GALK2: variants seen among roughly 807,000 people sequenced by gnomAD.
The protein encoded by GALK2 is galactokinase 2, also known as N-acetylgalactosamine kinase.
GALK2 carries 36 observed loss-of-function variants against 52.4 expected under a neutral mutation model. The observed-to-expected ratio is 0.69, with a 90% CI of 0.53 to 0.91. The LOEUF (loss-of-function observed/expected upper bound fraction) is 0.91. Ranked by LOEUF, GALK2 falls within the 40% of genes least tolerant of loss-of-function variation. The probability of loss-of-function intolerance (pLI) is 0.00; values close to 1 mark genes in which losing one functional copy is unlikely to be tolerated. For synonymous variants in GALK2, 176 were observed against 199.1 expected, an observed-to-expected ratio of 0.88 and a Z score of 0.98; for missense variants, 579 against 559.1, an observed-to-expected ratio of 1.04 and a Z score of -0.36.
chr15:49,220,835 A>G (rs1424942293), intron 3 of GALK2, among the ~76,000 whole-genome samples: 2 of 152,116 alleles, frequency 1.3e-5, no homozygotes, highest in African/African-American at 4.8e-5. Context: ...ATGATTAGTG[A>G]TGGTAAGCAG....
intron 5 of GALK2, among the ~76,000 whole-genome samples, chr15:49,245,437 G>T (rs1005765494): frequency 1.3e-5 from 2 of 151,980 alleles, no homozygotes; most frequent in Non-Finnish European, 2.9e-5. Context: ...AAAGATAGAA[G>T]AACTGAATAG....
intron 3 of GALK2, among the ~76,000 whole-genome samples, chr15:49,226,405 T>A (rs764980100): frequency 1.3e-5 from 2 of 152,162 alleles, no homozygotes; most frequent in Non-Finnish European, 2.9e-5. Flanking sequence ...CAGTGTTGCT[T>A]CTCTATCTAC....
chr15:49,238,492 G>A (rs1251888120), intron 4 of GALK2, among the ~76,000 whole-genome samples: 2 of 152,170 alleles, frequency 1.3e-5, no homozygotes, highest in Non-Finnish European at 2.9e-5. Flanking sequence ...TCTATAAACT[G>A]TAGTAAGCAT....
chr15:49,181,385 A>G (rs992953539), intron 1 of GALK2, among the ~76,000 whole-genome samples: 7 of 151,810 alleles, frequency 4.6e-5, no homozygotes, highest in Non-Finnish European at 8.8e-5. Context: ...GATTACATAC[A>G]TGAGCCACTG....
At chr15:49,230,841 A>G (rs1192600572) in intron 3 of GALK2, among the ~76,000 whole-genome samples, 1 of 152,236 alleles carries the variant, frequency 6.6e-6, no homozygotes, top group African/African-American at 2.4e-5. Context: ...AGAATTCTAC[A>G]AACATGGAAG....
chr15:49,229,483 A>G (rs2090379908), intron 3 of GALK2, among the ~76,000 whole-genome samples: 2 of 152,168 alleles, frequency 1.3e-5, no homozygotes, highest in African/African-American at 2.4e-5. Flanking sequence ...TGTTGCATGC[A>G]GGTGGAAGCT....
At chr15:49,290,118 G>A (rs1010629029) in intron 7 of GALK2, among the ~76,000 whole-genome samples, 1 of 152,156 alleles carries the variant, frequency 6.6e-6, no homozygotes, top group South Asian at 2.1e-4. Flanking sequence ...AAATGTGAAG[G>A]AGGCCAGTCA....
chr15:49,175,828 T>C (rs1205241904), intron 1 of GALK2, among the ~76,000 whole-genome samples: 2 of 152,202 alleles, frequency 1.3e-5, no homozygotes, highest in Non-Finnish European at 2.9e-5. Flanking sequence ...AAAAGCACTG[T>C]GAAGATCCCT....
At position 49,239,230 on chromosome 15, in the gene GALK2, G is replaced by C. The variant is rs148234101; in HGVS notation, c.367G>C (p.Gly123Arg). The C allele has an allele frequency of 1.3e-5, 21 of 1,613,732 alleles. No homozygotes were observed. In the East Asian group the frequency reaches 4.7e-4, roughly 36 times the overall value. ...CGLKGIQEHF[G>R]LSNLTGMNCL... ...TTCCTTATATTCTTAGGAACACTTT[G>C]GTCTTAGTAACCTGACTGGAATGAA... Residue 123 changes from glycine (G) to arginine (R), a missense_variant, in exon 5 of 10, where the codon GGT (glycine) becomes CGT (arginine). Coordinates refer to ENST00000560031, the MANE Select transcript of GALK2 (RefSeq NM_002044.4).
intron 3 of GALK2, among the ~76,000 whole-genome samples, chr15:49,233,046 T>A (rs2090592402): frequency 6.6e-6 from 1 of 152,094 alleles, no homozygotes; most frequent in Non-Finnish European, 1.5e-5. Context: ...GCCCCTGTCC[T>A]TGTTACCAAT....
chr15:49,201,292 T>C, intron 2 of GALK2, 42 bp downstream of exon 2: 1 of 1,070,528 alleles, frequency 9.3e-7, no homozygotes, highest in Non-Finnish European at 1.4e-6. Context: ...TCTTCATCCT[T>C]TGATAAGATC....
chr15:49,367,334 G>C (rs1037539722), intron 3 of GALK2: 3 of 960,958 alleles, frequency 3.1e-6, no homozygotes, highest in African/African-American at 3.4e-5. Context: ...ATACTAAACA[G>C]AAGCATTGAT....
At chr15:49,172,796 CT>C (rs1357470402) in intron 1 of GALK2, among the ~76,000 whole-genome samples, 1 of 152,166 alleles carries the variant, frequency 6.6e-6, no homozygotes, top group Non-Finnish European at 1.5e-5. Flanking sequence ...TTTCACTGTT[CT>C]GGCTTTCTTT....
At position 49,319,717 on chromosome 15, in the gene GALK2, GGA is replaced by G. The variant is rs2036732578; in HGVS notation, c.1085_1086del (p.Glu362ValfsTer14). 6.2e-7 allele frequency: 1 copy of G among 1,614,116 alleles called. No individual in the cohort carries two copies. Among genetic ancestry groups the G allele is most frequent in the East Asian group, 2.2e-5 (1 of 44,874 alleles). Reference sequence around the variant, plus strand: ...ACCTGAAAACATGGTCCAGCTGCTGGGAGAGTTGATGAACCAGAGCCACATGA... The same window carrying G: ...ACCTGAAAACATGGTCCAGCTGCTGGGAGTTGATGAACCAGAGCCACATGA... ...EAPENMVQLL[G>X]ELMNQSHMSC... On this transcript the variant is annotated frameshift_variant, in exon 9 of 10. Transcript: ENST00000560031. LOFTEE classifies it high-confidence loss of function.
At chr15:49,232,660 T>G (rs2090567850) in intron 3 of GALK2, among the ~76,000 whole-genome samples, 1 of 152,204 alleles carries the variant, frequency 6.6e-6, no homozygotes, top group Non-Finnish European at 1.5e-5. Flanking sequence ...GAACATAGGT[T>G]GTTAGAAGCA....
intron 3 of GALK2, chr15:49,366,504 A>G: frequency 7.8e-7 from 1 of 1,286,684 alleles, no homozygotes; most frequent in Admixed American, 1.7e-5. Flanking sequence ...AAACTAATGG[A>G]AGTTGCATTT....
Position 49,357,214 on chromosome 15 carries a change from A to G in GALK2, c.427-10277A>G, listed in dbSNP as rs542428654. 5.6e-3 allele frequency among the ~76,000 whole-genome samples: 848 copies of G among 150,344 alleles called. 4 individuals carry two copies. The highest frequency in any genetic ancestry group is 0.01 in the Non-Finnish European group (701 of 67,462). ...GCAAACACATTCAAAAGCTAGCAGA[A>G]GGCAAGAAATAACTAAAATCAGAGC... On this transcript the variant is annotated intron_variant, in intron 3 of 3. Transcript: ENST00000558399.
chr15:49,224,201 CTTGT>C (rs2089993426), intron 3 of GALK2, among the ~76,000 whole-genome samples: 2 of 128,740 alleles, frequency 1.6e-5, no homozygotes, highest in Admixed American at 8.7e-5. Flanking sequence ...TTGTTTTTTG[CTTGT>C]TTATTTGTTT....
chr15:49,183,410 T>C (rs1299308501), intron 1 of GALK2, among the ~76,000 whole-genome samples: 1 of 152,232 alleles, frequency 6.6e-6, no homozygotes, highest in Non-Finnish European at 1.5e-5. Context: ...CTTAACTTAT[T>C]CATTGACCTA....
Sources: gnomAD v4.1 joint callset for allele counts (sites outside exome capture counted in the v4.1 genomes callset) on GRCh38, gnomAD v4.1.1 for gene constraint, MANE v1.5 for transcripts, NCBI Gene and HGNC (gene_info 2026-07-23, HGNC 2026-07-21) for gene names.